ZC3H12B: variants seen among roughly 807,000 people sequenced by gnomAD.
The protein encoded by ZC3H12B is probable ribonuclease ZC3H12B.
In ZC3H12B, 7 loss-of-function variants were observed where a neutral mutation model predicts 43.9. The observed-to-expected ratio is 0.16, with a 90% CI of 0.09 to 0.30. ZC3H12B has a LOEUF of 0.30. Among genes scored for constraint, ZC3H12B ranks in the 10% least tolerant of loss-of-function variants. The pLI is 1.00. For missense variants in ZC3H12B, 475 were observed against 670.2 expected, an observed-to-expected ratio of 0.71 and a Z score of 3.22; for synonymous variants, 222 against 241.7, an observed-to-expected ratio of 0.92 and a Z score of 0.76.
At chrX:65,129,826 G>A in the ZC3H12B span, among the ~76,000 whole-genome samples, 1 of 111,062 alleles carries the variant, frequency 9.0e-6, no homozygotes, top group Non-Finnish European at 1.9e-5. Flanking sequence ...ATTAGGGGCG[G>A]CATGGGAACC....
chrX:65,244,851 G>A, the ZC3H12B span, among the ~76,000 whole-genome samples: 3 of 109,751 alleles, frequency 2.7e-5, no homozygotes, highest in Non-Finnish European at 5.7e-5. Context: ...ATGTATGTTC[G>A]ATTAAGAAAT....
the ZC3H12B span, among the ~76,000 whole-genome samples, chrX:65,088,950 C>T: frequency 1.8e-5 from 2 of 111,447 alleles, no homozygotes; most frequent in Non-Finnish European, 3.8e-5. Context: ...GTATCTACAT[C>T]ATAGAGTTAT....
At chrX:65,275,511 G>A in the ZC3H12B span, among the ~76,000 whole-genome samples, 7 of 112,930 alleles carry the variant, frequency 6.2e-5, no homozygotes, top group African/African-American at 2.2e-4. Context: ...AAATAGTTTA[G>A]CAAGCTTATG....
intron 2 of ZC3H12B, among the ~76,000 whole-genome samples, chrX:65,370,974 T>G (rs73516244): frequency 0.083 from 9,218 of 111,499 alleles, 1,031 homozygotes; most frequent in African/African-American, 0.29. Flanking sequence ...CTAAAAAAAG[T>G]TTATTTTTCC....
At chrX:65,333,005 A>G in the ZC3H12B span, among the ~76,000 whole-genome samples, 1 of 111,609 alleles carries the variant, frequency 9.0e-6, no homozygotes, top group Non-Finnish European at 1.9e-5. Flanking sequence ...GGAATCTCAG[A>G]TATGACTTTT....
At chrX:65,380,534 A>C (rs1323801553) in intron 2 of ZC3H12B, among the ~76,000 whole-genome samples, 4 of 111,899 alleles carry the variant, frequency 3.6e-5, no homozygotes, top group Non-Finnish European at 7.5e-5. Context: ...CAAGACTAAG[A>C]AGAAACTGCA....
At chrX:65,162,137 C>T in the ZC3H12B span, among the ~76,000 whole-genome samples, 2 of 111,804 alleles carry the variant, frequency 1.8e-5, no homozygotes, top group African/African-American at 6.5e-5. Context: ...ACGAGATCAG[C>T]TGTTAGTCTG....
chrX:65,415,687 A>G (rs1009791639), intron 3 of ZC3H12B, among the ~76,000 whole-genome samples: 13 of 111,864 alleles, frequency 1.2e-4, no homozygotes, highest in African/African-American at 4.2e-4. Context: ...GGCTGAGAGG[A>G]GGGGTCCATT....
chrX:65,236,575 G>T, the ZC3H12B span, among the ~76,000 whole-genome samples: 3 of 111,419 alleles, frequency 2.7e-5, no homozygotes, highest in Admixed American at 2.9e-4. Flanking sequence ...GTCAATTTTT[G>T]CTTTTATTGC....
the ZC3H12B span, among the ~76,000 whole-genome samples, chrX:65,156,644 G>T: frequency 1.8e-5 from 2 of 111,004 alleles, no homozygotes; most frequent in Admixed American, 1.9e-4. Context: ...GCCTCCCAAA[G>T]TGCTGGGATT....
the ZC3H12B span, among the ~76,000 whole-genome samples, chrX:65,103,340 G>T: frequency 8.9e-6 from 1 of 111,895 alleles, no homozygotes; most frequent in Non-Finnish European, 1.9e-5. Context: ...CGGCTCTCAG[G>T]CAGTCAGACC....
the ZC3H12B span, among the ~76,000 whole-genome samples, chrX:65,070,588 C>G: frequency 9.0e-6 from 1 of 110,756 alleles, no homozygotes; most frequent in African/African-American, 3.3e-5. Context: ...AAATTTCCCT[C>G]TTAACAATGC....
the ZC3H12B span, among the ~76,000 whole-genome samples, chrX:65,075,500 A>T: frequency 3.6e-5 from 4 of 112,102 alleles, no homozygotes; most frequent in Non-Finnish European, 1.9e-5. Context: ...AGACTATGCC[A>T]GTCCTGTCTG....
At chrX:65,433,874 G>T (rs1311926175) in intron 3 of ZC3H12B, among the ~76,000 whole-genome samples, 1 of 111,893 alleles carries the variant, frequency 8.9e-6, no homozygotes, top group East Asian at 2.8e-4. Context: ...ATTGATTGAA[G>T]GGTCATGATT....
the ZC3H12B span, among the ~76,000 whole-genome samples, chrX:65,231,645 T>C: frequency 9.0e-6 from 1 of 111,172 alleles, no homozygotes; most frequent in African/African-American, 3.3e-5. Flanking sequence ...CTCTCCTACT[T>C]GCACATCCAT....
the ZC3H12B span, among the ~76,000 whole-genome samples, chrX:65,189,641 G>A: frequency 9.8e-6 from 1 of 102,263 alleles, no homozygotes; most frequent in South Asian, 4.4e-4. Context: ...TTTTGATGGG[G>A]TTGTTTGTTT....
At chrX:65,233,573 C>T in the ZC3H12B span, among the ~76,000 whole-genome samples, 1 of 105,522 alleles carries the variant, frequency 9.5e-6, no homozygotes, top group South Asian at 4.1e-4. Context: ...ACAAAACATA[C>T]CAAAACTTAT....
At chrX:65,329,758 T>C in the ZC3H12B span, among the ~76,000 whole-genome samples, 6 of 111,794 alleles carry the variant, frequency 5.4e-5, no homozygotes, top group African/African-American at 1.6e-4. Context: ...AGTTTCAGCT[T>C]TCTACATATG....
chrX:65,471,483 C>G, intron 3 of ZC3H12B, among the ~76,000 whole-genome samples: 1 of 89,341 alleles, frequency 1.1e-5, no homozygotes, highest in South Asian at 6.5e-4. Flanking sequence ...TAGAGTCTCA[C>G]TCTGTCACAC....
Sources: allele counts gnomAD v4.1 joint callset (sites outside exome capture counted in the v4.1 genomes callset), GRCh38; gene constraint gnomAD v4.1.1; transcripts MANE v1.5; gene names NCBI Gene and HGNC (gene_info 2026-07-23, HGNC 2026-07-21).